Variants in TVP23B observed in about 807,000 individuals in gnomAD.
TVP23B encodes the protein Golgi apparatus membrane protein TVP23 homolog B.
TVP23B carries 10 observed loss-of-function variants against 30.6 expected under a neutral mutation model. The observed-to-expected ratio is 0.33, with a 90% CI of 0.20 to 0.55. The LOEUF is 0.55. Ranked by LOEUF, TVP23B falls within the 20% of genes least tolerant of loss-of-function variation. The pLI, the probability that TVP23B is intolerant of heterozygous loss-of-function variation, is 0.91. For synonymous variants in TVP23B, 67 were observed against 83.1 expected, an observed-to-expected ratio of 0.81 and a Z score of 1.06; for missense variants, 153 against 243.2, an observed-to-expected ratio of 0.63 and a Z score of 2.47.
rs1481803239 is a variant in TVP23B, at chr17:18,801,994, G to A, written c.463-2144G>A. Among the ~76,000 whole-genome samples, 6 of 152,086 alleles carry A rather than the reference G, an allele frequency of 3.9e-5. No individual in the cohort carries two copies. The East Asian group carries it at 5.8e-4, about 15-fold the overall frequency. ...CCCAGCACTTTGGGAGGGCCAAGGC[G>A]GGCGGATCACGAGGTCAGGAGATCG... On this transcript the variant is annotated intron_variant, in intron 5 of 6. Coordinates refer to ENST00000307767, the MANE Select transcript of TVP23B (RefSeq NM_016078.6).
In TVP23B at chr17:18,787,178, T is replaced by G. The variant is rs1187604766; in HGVS notation, c.13-2175T>G. 3.3e-5 allele frequency among the ~76,000 whole-genome samples: 5 copies of G among 152,256 alleles called. No individual in the cohort carries two copies. In the East Asian group the frequency reaches 9.7e-4, roughly 29 times the overall value. ...GGGAGGGTGAGGTGGGCGGATCCCT[T>G]GAGGTCAGGAGTTTGAAACCAGCCT... On this transcript the variant is annotated intron_variant, in intron 1 of 6. Transcript: ENST00000307767.
chr17:18,787,328 A>G (rs1433732214), intron 1 of TVP23B, among the ~76,000 whole-genome samples: 2 of 148,528 alleles, frequency 1.3e-5, no homozygotes, highest in African/African-American at 5.0e-5. Context: ...GCTTGAACCC[A>G]GGAGGTGGAG....
In TVP23B at chr17:18,803,181, G is replaced by A. The variant is rs1179494353; in HGVS notation, c.463-957G>A. 2.0e-5 allele frequency among the ~76,000 whole-genome samples: 3 copies of A among 152,134 alleles called. No individual in the cohort carries two copies. In the South Asian group the frequency reaches 6.2e-4, roughly 32 times the overall value. ...GATATAAAAGAGTAGAATGGTCGATGAGCTGTTTATTCCAGAACAAGGGTT... is the reference window on the plus strand; with the variant it reads ...GATATAAAAGAGTAGAATGGTCGATAAGCTGTTTATTCCAGAACAAGGGTT... On this transcript the variant is annotated intron_variant, in intron 5 of 6. Coordinates refer to ENST00000307767, the MANE Select transcript of TVP23B (RefSeq NM_016078.6).
chr17:18,794,076 G>GT (rs1392934787), intron 3 of TVP23B, among the ~76,000 whole-genome samples: 1 of 151,828 alleles, frequency 6.6e-6, no homozygotes, highest in African/African-American at 2.4e-5. Flanking sequence ...ACTATGTATA[G>GT]TAAAAAAATT....
chr17:18,790,837 T>C, intron 2 of TVP23B, 59 bp from the exon 3 acceptor site: 1 of 1,497,480 alleles, frequency 6.7e-7, no homozygotes, highest in Non-Finnish European at 9.1e-7. Context: ...TTTCTCTACA[T>C]TTGCTAGTAC....
chr17:18,800,698 G>T (rs2036149373), intron 5 of TVP23B, among the ~76,000 whole-genome samples: 1 of 151,790 alleles, frequency 6.6e-6, no homozygotes. Context: ...AAGTTTTCTG[G>T]AGTCTGTGCC....
At chr17:18,805,125 G>A (rs1244717132) in intron 6 of TVP23B, among the ~76,000 whole-genome samples, 2 of 126,630 alleles carry the variant, frequency 1.6e-5, no homozygotes, top group African/African-American at 6.0e-5. Flanking sequence ...GTCTCGCTCT[G>A]TCGCCCAGGC....
chr17:18,805,518 T>A, intron 6 of TVP23B, 23 bp from the exon 7 acceptor site: 1 of 834,012 alleles, frequency 1.2e-6, no homozygotes. Context: ...TGTTAAGGAG[T>A]TTTTTTTTTT....
chr17:18,797,556 C>T, intron 3 of TVP23B, 23 bp from the exon 4 acceptor site: 7 of 1,612,548 alleles, frequency 4.3e-6, no homozygotes, highest in Non-Finnish European at 5.9e-6. Context: ...TAAAATGTGC[C>T]TGTTTATATT....
intron 6 of TVP23B, 66 bp downstream of exon 6, chr17:18,804,332 T>C (rs1311836947): frequency 2.0e-6 from 3 of 1,525,854 alleles, no homozygotes; most frequent in Admixed American, 2.0e-5. Context: ...GTTTAATTTT[T>C]ATGAAACGCT....
intron 2 of TVP23B, among the ~76,000 whole-genome samples, chr17:18,790,468 AAAAAAAAAAAAG>A (rs1400589400): frequency 3.9e-5 from 5 of 127,464 alleles, no homozygotes; most frequent in African/African-American, 1.2e-4. Context: ...CGTCTCAAAA[AAAAAAAAAAAAG>A]AAAAGAAAGA....
chr17:18,793,864 C>G (rs1206316607), intron 3 of TVP23B, among the ~76,000 whole-genome samples: 1 of 152,016 alleles, frequency 6.6e-6, no homozygotes, highest in African/African-American at 2.4e-5. Flanking sequence ...AAAGTCCAAA[C>G]AAAAGATCTA....
intron 3 of TVP23B, chr17:18,795,763 A>G (rs2036067729): frequency 1.3e-5 from 2 of 152,236 alleles, no homozygotes; most frequent in South Asian, 4.1e-4. Context: ...TATACACTAC[A>G]CTAAACAGTA....
At chr17:18,805,109 G>A (rs1407428676) in intron 6 of TVP23B, among the ~76,000 whole-genome samples, 4 of 122,292 alleles carry the variant, frequency 3.3e-5, no homozygotes. Flanking sequence ...TTTTTCTTGA[G>A]ACGGAGTCTC....
chr17:18,784,372 G>A, intron 1 of TVP23B, among the ~76,000 whole-genome samples: 1 of 151,996 alleles, frequency 6.6e-6, no homozygotes, highest in South Asian at 2.1e-4. Context: ...TCATGGCTGG[G>A]TGCAGGGCTC....
rs1477426796 is a variant in TVP23B at position 18,805,607 on chromosome 17, C to T, written c.*40C>T. The T allele has an allele frequency of 6.3e-6, 10 of 1,590,656 alleles. No individual in the cohort carries two copies. Among genetic ancestry groups the T allele is most frequent in the Non-Finnish European group, 8.5e-6 (10 of 1,172,188 alleles). On this transcript the variant is annotated 3_prime_UTR_variant, in exon 7 of 7. Coordinates refer to ENST00000307767, the MANE Select transcript of TVP23B (RefSeq NM_016078.6). ...TGTGCTTTGTTACATTGGGGAACAA[C>T]TGAAGAGATTCTTGACTCAACCTTT... is the stretch of plus-strand genomic sequence containing the variant.
intron 5 of TVP23B, among the ~76,000 whole-genome samples, chr17:18,800,165 A>G (rs1229455133): frequency 2.0e-5 from 3 of 151,642 alleles, no homozygotes; most frequent in Non-Finnish European, 1.5e-5. Flanking sequence ...TTTTCTTTGT[A>G]ACATTAATTA....
At chr17:18,803,636 T>G (rs935570861) in intron 5 of TVP23B, among the ~76,000 whole-genome samples, 1 of 152,238 alleles carries the variant, frequency 6.6e-6, no homozygotes, top group African/African-American at 2.4e-5. Context: ...ATCGGTTGAT[T>G]TATGCCTTAG....
chr17:18,799,608 G>A (rs921754138), intron 5 of TVP23B, among the ~76,000 whole-genome samples: 11 of 152,186 alleles, frequency 7.2e-5, no homozygotes, highest in Non-Finnish European at 1.5e-4. Context: ...TAAGGAATAA[G>A]AAGGTGCTAG....
Sources: gnomAD v4.1 joint callset for allele counts (sites outside exome capture counted in the v4.1 genomes callset) on GRCh38, gnomAD v4.1.1 for gene constraint, MANE v1.5 for transcripts, NCBI Gene and HGNC (gene_info 2026-07-23, HGNC 2026-07-21) for gene names.